AP1S3: variants seen among roughly 807,000 people sequenced by gnomAD.
AP1S3 encodes adaptor related protein complex 1 subunit sigma 3.
A neutral mutation model predicts 20.9 loss-of-function variants in AP1S3; 10 were observed. The observed-to-expected ratio is 0.48, with a 90% CI of 0.29 to 0.81. The LOEUF is 0.81. AP1S3 is among the 30% of genes least tolerant of loss of function. The probability of loss-of-function intolerance (pLI) is 0.08; values close to 1 mark genes in which losing one functional copy is unlikely to be tolerated. For synonymous variants in AP1S3, 41 were observed against 61.5 expected (o/e 0.67, Z 1.56); for missense variants, 154 against 183.8 (o/e 0.84, Z 0.94).
chr2:223,777,692 T>A lies in AP1S3; in HGVS notation c.181A>T (p.Arg61Trp). ...DWKELKLVYKRYASLYFCCAI... is the reference protein window; with the variant it reads ...DWKELKLVYKWYASLYFCCAI... ...GAGCTCTCAAAAAGTTACTCACACCTTTTATAAACAAGTTTTAGCTCCTTC... is the reference window on the plus strand; with the variant it reads ...GAGCTCTCAAAAAGTTACTCACACCATTTATAAACAAGTTTTAGCTCCTTC... Residue 61 changes from arginine to tryptophan, a missense_variant and splice_region_variant, in exon 2 of 5, where the codon AGG (arginine) becomes TGG (tryptophan). Arg to Trp is a moderately radical substitution (Grantham distance 101). Coordinates refer to ENST00000396654, the MANE Select transcript of AP1S3 (RefSeq NM_001039569.2). 6.2e-7 allele frequency: 1 copy of A among 1,612,030 alleles called. No homozygotes were observed. The highest frequency in any genetic ancestry group is 8.5e-7 in the Non-Finnish European group (1 of 1,179,310).
intron 1 of AP1S3, among the ~76,000 whole-genome samples, chr2:223,805,934 TGC>T: frequency 6.6e-6 from 1 of 152,100 alleles, no homozygotes; most frequent in Non-Finnish European, 1.5e-5. Flanking sequence ...ATTGGCCAAC[TGC>T]AGAAGCAAAA....
intron 1 of AP1S3, among the ~76,000 whole-genome samples, chr2:223,799,990 G>A (rs960536287): frequency 8.6e-5 from 13 of 152,008 alleles, no homozygotes; most frequent in Admixed American, 7.2e-4. Context: ...CAAGGAGGGC[G>A]GATCACTTGA....
chr2:223,837,323 G>T (rs918690912), intron 1 of AP1S3, 125 bp downstream of exon 1: 15 of 413,956 alleles, frequency 3.6e-5, no homozygotes, highest in African/African-American at 2.7e-4. Flanking sequence ...CACGGTTCGG[G>T]TGGCCAGGCG....
At position 223,757,256 on chromosome 2, in the gene AP1S3, C is replaced by T. The variant is rs138029306; in HGVS notation, c.*1459G>A. ...GCAACTTCTGCCTCCCAGGTTCAAG[C>T]GATTCTCCTGCCTCAGCCTCCCAAG... On this transcript the variant is annotated 3_prime_UTR_variant, in exon 5 of 5. Coordinates refer to ENST00000396654, the MANE Select transcript of AP1S3 (RefSeq NM_001039569.2). 0.034 allele frequency: 5,291 copies of T among 156,006 alleles called. 150 individuals carry two copies. The highest frequency in any genetic ancestry group is 0.16 in the East Asian group (829 of 5,180). The allele number at this position is 156,006 out of a possible 1,614,324, so 9.7% of individuals were successfully genotyped here.
intron 1 of AP1S3, among the ~76,000 whole-genome samples, chr2:223,815,625 G>A (rs956514274): frequency 6.6e-6 from 1 of 152,144 alleles, no homozygotes; most frequent in African/African-American, 2.4e-5. Context: ...AAATATAAAA[G>A]TGTTTTAATT....
chr2:223,789,100 G>A (rs776015723), intron 1 of AP1S3, among the ~76,000 whole-genome samples: 6 of 151,038 alleles, frequency 4.0e-5, no homozygotes, highest in Non-Finnish European at 8.8e-5. Context: ...TTTGAAAATA[G>A]CCTGTGCCAA....
chr2:223,828,458 A>C lies in AP1S3; in HGVS notation c.3+8990T>G, dbSNP rs576504060. 9.2e-5 allele frequency among the ~76,000 whole-genome samples: 14 copies of C among 152,010 alleles called. No homozygotes were observed. In the East Asian group the frequency reaches 2.7e-3, roughly 30 times the overall value. On this transcript the variant is annotated intron_variant, in intron 1 of 4. Coordinates refer to ENST00000396654, the MANE Select transcript of AP1S3 (RefSeq NM_001039569.2). Reference sequence around the variant, plus strand: ...GTTATAGGCGTGCACCACCATGCCCAGCTAATTTTTTGTCAAGGCCAACAC... The same window carrying C: ...GTTATAGGCGTGCACCACCATGCCCCGCTAATTTTTTGTCAAGGCCAACAC...
rs1244600402 is a variant in AP1S3 at position 223,773,740 on chromosome 2, AC to A, written c.291+2160del. Among the ~76,000 whole-genome samples, 94 of 151,668 alleles carry A rather than the reference AC, an allele frequency of 6.2e-4. 1 individual carries two copies. Among genetic ancestry groups the A allele is most frequent in the African/African-American group, 2.0e-3 (84 of 41,264 alleles). On this transcript the variant is annotated intron_variant, in intron 3 of 4. Transcript: ENST00000396654. Reference sequence around the variant, plus strand: ...TCCATTAAAGAGAATAACAACAAGAACAAAAAAAAACTCTGCTGGAAGCAAA... The same window carrying A: ...TCCATTAAAGAGAATAACAACAAGAAAAAAAAAAACTCTGCTGGAAGCAAA...
chr2:223,813,890 A>G (rs1471336482), intron 1 of AP1S3, among the ~76,000 whole-genome samples: 1 of 152,210 alleles, frequency 6.6e-6, no homozygotes, highest in Non-Finnish European at 1.5e-5. Context: ...GACGTCCTTT[A>G]TACATCAATA....
chr2:223,821,930 T>C (rs1468438384), intron 1 of AP1S3, among the ~76,000 whole-genome samples: 4 of 134,390 alleles, frequency 3.0e-5, no homozygotes, highest in East Asian at 1.9e-4. Flanking sequence ...AAGTTCTCAT[T>C]TGACAACCAA....
At chr2:223,761,788 TCTTGA>T (rs1282856473) in intron 4 of AP1S3, among the ~76,000 whole-genome samples, 1 of 152,044 alleles carries the variant, frequency 6.6e-6, no homozygotes, top group African/African-American at 2.4e-5. Flanking sequence ...GATCTCAAAC[TCTTGA>T]CTTAAGCAGT....
intron 2 of AP1S3, 142 bp from the exon 3 acceptor site, chr2:223,776,151 A>G (rs148658274): frequency 1.1e-5 from 8 of 713,522 alleles, no homozygotes; most frequent in Non-Finnish European, 2.1e-5. Context: ...ATCACCCCCA[A>G]TAGCCTCCTG....
intron 3 of AP1S3, among the ~76,000 whole-genome samples, chr2:223,768,750 G>GA (rs1690540715): frequency 1.3e-5 from 2 of 152,146 alleles, no homozygotes; most frequent in Admixed American, 6.5e-5. Context: ...AGCTACTCAG[G>GA]AAGGTGAGGC....
Position 223,775,501 on chromosome 2 carries a change from C to G in AP1S3, c.291+400G>C, listed in dbSNP as rs1173893023. ...AAATTCTGGTTCACTGAAATAAGGT[C>G]TCTGGTGTATTTGTGGTATGAAGAT... On this transcript the variant is annotated intron_variant, in intron 3 of 4. Transcript: ENST00000396654. Among the ~76,000 whole-genome samples, 3 of 152,178 alleles carry G rather than the reference C, an allele frequency of 2.0e-5. No individual in the cohort carries two copies. The East Asian group carries it at 5.8e-4, about 29-fold the overall frequency.
At position 223,811,321 on chromosome 2, in the gene AP1S3, A is replaced by T. The variant is rs536538324; in HGVS notation, c.3+26127T>A. Among the ~76,000 whole-genome samples the T allele has an allele frequency of 4.9e-3, 750 of 152,158 alleles. 1 individual carries two copies. The highest frequency in any genetic ancestry group is 7.6e-3 in the Non-Finnish European group (518 of 68,002). ...GGTGGCTCATGCCTGTAATCCCAAC[A>T]CTTTTGGAGGCTGAGGTGGGCAGAT... is the stretch of plus-strand genomic sequence containing the variant. On this transcript the variant is annotated intron_variant, in intron 1 of 4. Coordinates refer to ENST00000396654, the MANE Select transcript of AP1S3 (RefSeq NM_001039569.2).
At chr2:223,819,273 T>G (rs1470006924) in intron 1 of AP1S3, among the ~76,000 whole-genome samples, 5 of 152,206 alleles carry the variant, frequency 3.3e-5, no homozygotes, top group Non-Finnish European at 5.9e-5. Context: ...TTGTTTATTT[T>G]TAATCATACC....
At chr2:223,829,091 C>T (rs1472165961) in intron 1 of AP1S3, among the ~76,000 whole-genome samples, 1 of 152,176 alleles carries the variant, frequency 6.6e-6, no homozygotes, top group Admixed American at 6.5e-5. Flanking sequence ...GCCTTGGCCT[C>T]CCAAAGTGCT....
At chr2:223,792,009 C>G (rs1691225310) in intron 1 of AP1S3, among the ~76,000 whole-genome samples, 1 of 152,104 alleles carries the variant, frequency 6.6e-6, no homozygotes, top group East Asian at 1.9e-4. Flanking sequence ...ATGACACAAA[C>G]AAATGGAAAA....
intron 1 of AP1S3, among the ~76,000 whole-genome samples, chr2:223,796,896 T>A (rs552643545): frequency 9.2e-5 from 14 of 152,286 alleles, no homozygotes; most frequent in African/African-American, 3.1e-4. Flanking sequence ...ACTCCTGACC[T>A]CAGGTGATCC....
Sources: allele counts gnomAD v4.1 joint callset (sites outside exome capture counted in the v4.1 genomes callset), GRCh38; gene constraint gnomAD v4.1.1; transcripts MANE v1.5; gene names NCBI Gene and HGNC (gene_info 2026-07-23, HGNC 2026-07-21).